The following TTC39A variants were observed in gnomAD, a reference collection of about 807,000 sequenced individuals.
TTC39A encodes tetratricopeptide repeat protein 39A.
TTC39A carries 46 observed loss-of-function variants against 82.3 expected under a neutral mutation model. That is an observed-to-expected ratio of 0.56 (90% CI 0.44 to 0.71). The LOEUF is 0.71. TTC39A is among the 30% of genes least tolerant of loss of function. TTC39A has a pLI of 0.00. For synonymous variants in TTC39A, 254 were observed against 275.2 expected (o/e 0.92, Z 0.76); for missense variants, 543 against 712.9 (o/e 0.76, Z 2.71).
At chr1:51,337,737 T>C (rs543314914) in intron 1 of TTC39A, among the ~76,000 whole-genome samples, 1 of 152,276 alleles carries the variant, frequency 6.6e-6, no homozygotes, top group Admixed American at 6.5e-5. Context: ...CCTTTCTATT[T>C]AAAATTGAAC....
intron 2 of TTC39A, among the ~76,000 whole-genome samples, chr1:51,316,485 C>T (rs897728389): frequency 1.1e-4 from 16 of 152,318 alleles, no homozygotes; most frequent in Non-Finnish European, 1.9e-4. Context: ...TGCCAACCTT[C>T]TGCTGAACCT....
intron 1 of TTC39A, chr1:51,342,986 A>T: frequency 2.2e-6 from 1 of 452,574 alleles, no homozygotes; most frequent in Middle Eastern, 3.3e-4. Flanking sequence ...CTGCACACTG[A>T]GAGGTGTGTA....
At chr1:51,324,043 C>T (rs1645621947) in intron 1 of TTC39A, among the ~76,000 whole-genome samples, 1 of 152,168 alleles carries the variant, frequency 6.6e-6, no homozygotes. Context: ...AGGGGAACTA[C>T]CACCCTGAGA....
At chr1:51,335,951 A>G (rs1645969205), upstream of TTC39A, among the ~76,000 whole-genome samples, 1 of 152,082 alleles carries the variant, frequency 6.6e-6, no homozygotes, top group Admixed American at 6.6e-5. Flanking sequence ...ACTGAGCATT[A>G]TTTGGGTGAC....
Position 51,294,647 on chromosome 1 carries a change from TA to T in TTC39A, c.1146-137del. 1 of 1,327,852 alleles carries T rather than the reference TA, an allele frequency of 7.5e-7. No individual in the cohort carries two copies. The highest frequency in any genetic ancestry group is 1.0e-6 in the Non-Finnish European group (1 of 979,150). 82.3% of individuals were successfully genotyped at this position (1,327,852 alleles called of 1,614,324 possible). A position where few individuals can be genotyped will look rare whatever the true frequency, so the allele number is the denominator to read the frequency against. ...TCTGCACAATGACAGTGTTAGACTC[TA>T]AAGAGCCTTCTAGGTCTGAAATAGC... On this transcript the variant is annotated intron_variant, in intron 13 of 17. Transcript: ENST00000680483. The surrounding 1 kb of genome is among the most constrained non-coding windows in gnomAD (Gnocchi z 4.3).
intron 5 of TTC39A, 45 bp from the exon 6 acceptor site, chr1:51,309,370 T>C: frequency 6.2e-7 from 1 of 1,612,270 alleles, no homozygotes. Context: ...GGTGGGCAGC[T>C]GCAGGCGTGA....
chr1:51,312,182 A>T lies in TTC39A; in HGVS notation c.292T>A (p.Ser98Thr). 4 of 1,608,816 alleles carry T rather than the reference A, an allele frequency of 2.5e-6. No homozygotes were observed. The South Asian group carries it at 4.5e-5, about 18-fold the overall frequency. ...CTGCTGAAGGAATCTGTTACAGAAG[A>T]CTTCCTCCGGTGCCTGAAGAGGAAA... ...QMLCQRHRRKSSVTDSFSSLV... is the reference protein window; with the variant it reads ...QMLCQRHRRKTSVTDSFSSLV... Residue 98 changes from serine (S) to threonine (T), a missense_variant, in exon 4 of 18, where the codon TCT (serine) becomes ACT (threonine). Physicochemically the swap from Ser to Thr is moderately conservative, Grantham distance 58. Coordinates refer to ENST00000680483, the MANE Select transcript of TTC39A (RefSeq NM_001297663.2).
At chr1:51,313,689 G>C (rs942015820) in intron 2 of TTC39A, among the ~76,000 whole-genome samples, 2 of 152,130 alleles carry the variant, frequency 1.3e-5, no homozygotes, top group African/African-American at 4.8e-5. Flanking sequence ...TGCCCAGCCT[G>C]TTCCCTCAGA....
At chr1:51,296,264 AG>A (rs1243905861) in intron 12 of TTC39A, 94 bp from the exon 13 acceptor site, 18 of 1,213,044 alleles carry the variant, frequency 1.5e-5, no homozygotes, top group Non-Finnish European at 1.9e-5. Flanking sequence ...GGCCCAGCAC[AG>A]GAGCTCCCGT....
rs778599034 is a variant in TTC39A at position 51,301,741 on chromosome 1, C to CA, written c.892-9dup. Reference sequence around the variant, plus strand: ...CTCGAAACGCCGGATGGCCTGCAGGCACCTTCTGGTCAGCCTGACGGGTGC... The same window carrying CA: ...CTCGAAACGCCGGATGGCCTGCAGGCAACCTTCTGGTCAGCCTGACGGGTGC... On this transcript the variant is annotated splice_polypyrimidine_tract_variant and intron_variant, in intron 11 of 17. Coordinates refer to ENST00000680483, the MANE Select transcript of TTC39A (RefSeq NM_001297663.2). 6.2e-7 allele frequency: 1 copy of CA among 1,600,452 alleles called. No individual in the cohort carries two copies. The highest frequency in any genetic ancestry group is 1.1e-5 in the South Asian group (1 of 90,920).
chr1:51,305,907 CAT>C (rs985315876), intron 7 of TTC39A, 68 bp downstream of exon 7: 5 of 1,484,142 alleles, frequency 3.4e-6, no homozygotes, highest in East Asian at 4.5e-5. Flanking sequence ...AGTGACCACA[CAT>C]GAGTCAGGGA....
rs1200317915 is a variant in TTC39A at position 51,288,446 on chromosome 1, T to C, written c.1611-166A>G. On this transcript the variant is annotated intron_variant, in intron 17 of 17. Coordinates refer to ENST00000680483, the MANE Select transcript of TTC39A (RefSeq NM_001297663.2). The surrounding 1 kb of genome is among the most constrained non-coding windows in gnomAD (Gnocchi z 4.8). ...CAATGGGAGAGTTAACCAGAAGGGT[T>C]TGTGGCCCCTCATCCCTGGTATCAT... 2.6e-5 allele frequency among the ~76,000 whole-genome samples: 4 copies of C among 152,160 alleles called. No individual in the cohort carries two copies. Among genetic ancestry groups the C allele is most frequent in the Non-Finnish European group, 5.9e-5 (4 of 68,026 alleles).
rs1644451913 is a variant in TTC39A, at chr1:51,311,230, C to T, written c.423+24G>A. 2.6e-6 allele frequency: 4 copies of T among 1,561,400 alleles called. No homozygotes were observed. In the South Asian group the frequency reaches 4.7e-5, roughly 18 times the overall value. ...AACTGATCTTCTGAAATCCCAGCCTCTTTGTACAAGTGGGGGTCCCTACCT... is the reference window on the plus strand; with the variant it reads ...AACTGATCTTCTGAAATCCCAGCCTTTTTGTACAAGTGGGGGTCCCTACCT... On this transcript the variant is annotated intron_variant, in intron 5 of 17. Transcript: ENST00000680483.
chr1:51,314,719 C>T lies in TTC39A; in HGVS notation c.147-1776G>A, dbSNP rs1645219210. On this transcript the variant is annotated intron_variant, in intron 2 of 17. Coordinates refer to ENST00000680483, the MANE Select transcript of TTC39A (RefSeq NM_001297663.2). ...GGCTGCCCAGAGTGGGGGCCAGAACCAGGTTTCAGAGTCCCTCAGACACAG... is the reference window on the plus strand; with the variant it reads ...GGCTGCCCAGAGTGGGGGCCAGAACTAGGTTTCAGAGTCCCTCAGACACAG... Among the ~76,000 whole-genome samples the T allele has an allele frequency of 2.0e-5, 3 of 152,136 alleles. No individual in the cohort carries two copies. In the South Asian group the frequency reaches 6.2e-4, roughly 32 times the overall value.
chr1:51,344,986 G>C (rs1646080093), intron 1 of TTC39A: 2 of 1,524,772 alleles, frequency 1.3e-6, no homozygotes, highest in Admixed American at 2.0e-5. Context: ...ACCCCTGCCC[G>C]GTACCTGCGG....
At chr1:51,322,358 A>G in intron 1 of TTC39A, 1 of 1,269,680 alleles carries the variant, frequency 7.9e-7, no homozygotes, top group Non-Finnish European at 1.0e-6. Context: ...TCACTTTGCC[A>G]ATGGCTCCTC....
chr1:51,320,320 C>T (rs1425991948), intron 2 of TTC39A, among the ~76,000 whole-genome samples: 1 of 151,792 alleles, frequency 6.6e-6, no homozygotes, highest in South Asian at 2.1e-4. Flanking sequence ...TAGTCTCGCA[C>T]ATGATTTTCT....
In TTC39A at chr1:51,289,985, G is replaced by A. The variant is rs896307466; in HGVS notation, c.1493+20C>T. ...CCCAGGAGACTCAGACCCAGAAGGAGCAGCTGCAGAGGCACTTACTTGGCA... is the reference window on the plus strand; with the variant it reads ...CCCAGGAGACTCAGACCCAGAAGGAACAGCTGCAGAGGCACTTACTTGGCA... On this transcript the variant is annotated intron_variant, in intron 16 of 17. Transcript: ENST00000680483. 1.3e-5 allele frequency: 20 copies of A among 1,599,756 alleles called. No individual in the cohort carries two copies. Among genetic ancestry groups the A allele is most frequent in the Middle Eastern group, 1.7e-4 (1 of 6,024 alleles).
intron 2 of TTC39A, among the ~76,000 whole-genome samples, chr1:51,316,328 T>TC (rs1645282616): frequency 6.6e-6 from 1 of 152,002 alleles, no homozygotes; most frequent in Non-Finnish European, 1.5e-5. Flanking sequence ...GCCGCCGCCT[T>TC]CCCAGCTATA....
Sources: gnomAD v4.1 joint callset for allele counts (sites outside exome capture counted in the v4.1 genomes callset) on GRCh38, gnomAD v4.1.1 for gene constraint, Gnocchi (gnomAD v3.1) non-coding constraint, MANE v1.5 for transcripts, NCBI Gene and HGNC (gene_info 2026-07-23, HGNC 2026-07-21) for gene names.